The following MCC variants were observed in gnomAD, a reference collection of about 807,000 sequenced individuals.
MCC encodes the protein colorectal mutant cancer protein.
Under a neutral mutation model 116.2 loss-of-function variants are expected in MCC, and 90 were observed. The ratio of observed to expected loss-of-function variants is 0.77; its 90% confidence interval spans 0.65 to 0.92. The LOEUF (loss-of-function observed/expected upper bound fraction) is 0.92. Ranked by LOEUF, MCC falls within the 40% of genes least tolerant of loss-of-function variation. The pLI, the probability that MCC is intolerant of heterozygous loss-of-function variation, is 0.00. For synonymous variants in MCC, 578 were observed against 510.5 expected (o/e 1.13, Z -1.78); for missense variants, 1,516 against 1,312.2 (o/e 1.16, Z -2.40).
At chr5:113,398,428 A>G (rs1367373811) in intron 1 of MCC, among the ~76,000 whole-genome samples, 1 of 152,214 alleles carries the variant, frequency 6.6e-6, no homozygotes, top group South Asian at 2.1e-4. Flanking sequence ...CATGGAATCA[A>G]CCTAGGTACT....
rs371791710 is a variant in MCC, at chr5:113,101,886, C to T, written c.1251G>A (p.Glu417=). ...CCAGCTCCTTCTCCCACCGAGACCT[C>T]TCTTCAGCCAGGTTGGGATACAGGT... is the stretch of plus-strand genomic sequence containing the variant. ...GRDLYPNLAE[E]RSRWEKELAG... The change falls in exon 8 of 19, where the codon GAG becomes GAA. Residue 417 remains glutamate, a synonymous_variant. Coordinates refer to ENST00000408903, the MANE Select transcript of MCC (RefSeq NM_001085377.2). 2 of 1,613,954 alleles carry T rather than the reference C, an allele frequency of 1.2e-6. No homozygotes were observed. The highest frequency in any genetic ancestry group is 1.7e-6 in the Non-Finnish European group (2 of 1,180,054).
At chr5:113,142,815 T>A (rs993534660) in intron 5 of MCC, among the ~76,000 whole-genome samples, 6 of 152,214 alleles carry the variant, frequency 3.9e-5, no homozygotes, top group African/African-American at 1.4e-4. Context: ...ACAGTTTGCA[T>A]ATTTAGTATC....
chr5:113,429,901 C>G (rs147324736), intron 1 of MCC, among the ~76,000 whole-genome samples: 667 of 152,284 alleles, frequency 4.4e-3, no homozygotes, highest in Middle Eastern at 0.024. Context: ...GTGAGATAAT[C>G]CTGTGGGTGG....
At chr5:113,040,182 C>G (rs199639300) in intron 17 of MCC, among the ~76,000 whole-genome samples, 10 of 47,340 alleles carry the variant, frequency 2.1e-4, no homozygotes, top group African/African-American at 5.2e-4. Context: ...ACAGTAAAGG[C>G]GGGGTGGCAT....
chr5:113,264,678 T>TA (rs548747922), intron 3 of MCC, among the ~76,000 whole-genome samples: 190 of 152,198 alleles, frequency 1.2e-3, no homozygotes, highest in Non-Finnish European at 2.3e-3. Context: ...TTTAAATGGT[T>TA]AAAAAAATCA....
At position 113,122,758 on chromosome 5, in the gene MCC, G is replaced by A; in HGVS notation, c.953C>T (p.Ser318Phe). Residue 318 changes from serine (S) to phenylalanine (F), a missense_variant, in exon 6 of 19, where the codon TCT (serine) becomes TTT (phenylalanine). Physicochemically the swap from Ser to Phe is radical, Grantham distance 155. Transcript: ENST00000408903. ...SQSQHEVNEDSRSMDQDQTSV... is the reference protein window; with the variant it reads ...SQSQHEVNEDFRSMDQDQTSV... ...GGTCTGGTCTTGGTCCATGCTTCGA[G>A]AGTCCTCGTTGACCTCGTGTTGGCT... 6.2e-7 allele frequency: 1 copy of A among 1,614,194 alleles called. No individual in the cohort carries two copies. The highest frequency in any genetic ancestry group is 8.5e-7 in the Non-Finnish European group (1 of 1,180,026).
At chr5:113,058,167 T>C (rs1178372443) in intron 14 of MCC, among the ~76,000 whole-genome samples, 1 of 152,214 alleles carries the variant, frequency 6.6e-6, no homozygotes, top group African/African-American at 2.4e-5. Flanking sequence ...TTGGGAAATA[T>C]AAATTTATAC....
chr5:113,119,177 G>C (rs1757583849), intron 6 of MCC, among the ~76,000 whole-genome samples: 1 of 152,196 alleles, frequency 6.6e-6, no homozygotes, highest in Non-Finnish European at 1.5e-5. Context: ...TGGTAAATTA[G>C]GCAGGTGAAG....
At chr5:113,165,767 A>G (rs934237594) in intron 3 of MCC, among the ~76,000 whole-genome samples, 1 of 152,184 alleles carries the variant, frequency 6.6e-6, no homozygotes, top group Non-Finnish European at 1.5e-5. Context: ...CAAAAAATCC[A>G]TATTAGGTTC....
chr5:113,059,437 C>G (rs1753064135), intron 14 of MCC, among the ~76,000 whole-genome samples: 1 of 152,196 alleles, frequency 6.6e-6, no homozygotes, highest in Non-Finnish European at 1.5e-5. Context: ...CTGGCGGTCT[C>G]CCAAGGGCCT....
rs371457930 is a variant in MCC, at chr5:113,373,002, C to A, written c.415+11966G>T. On this transcript the variant is annotated intron_variant, in intron 2 of 18. Transcript: ENST00000408903. The stretch of plus-strand genomic sequence containing the variant: ...GACCATCCTGGCTAACACCATGAAA[C>A]CCCGTCTTTACTAAAAATACAAAAA... Among the ~76,000 whole-genome samples the A allele has an allele frequency of 1.2e-4, 19 of 152,164 alleles. No individual in the cohort carries two copies. The South Asian group carries it at 3.7e-3, about 30-fold the overall frequency.
chr5:113,084,648 T>G (rs1175497714), intron 9 of MCC, among the ~76,000 whole-genome samples: 1 of 152,226 alleles, frequency 6.6e-6, no homozygotes, highest in Non-Finnish European at 1.5e-5. Flanking sequence ...CAGGCATAAT[T>G]TTAATCATCT....
intron 3 of MCC, among the ~76,000 whole-genome samples, chr5:113,263,976 C>T (rs919936716): frequency 3.3e-5 from 5 of 151,698 alleles, no homozygotes; most frequent in Non-Finnish European, 7.4e-5. Context: ...AACCAAACCA[C>T]CTGATTTTGC....
chr5:113,354,272 T>C (rs935958868), intron 2 of MCC, among the ~76,000 whole-genome samples: 1 of 152,146 alleles, frequency 6.6e-6, no homozygotes, highest in African/African-American at 2.4e-5. Flanking sequence ...GATATAGTCA[T>C]ATAGCCCAAC....
At chr5:113,257,582 A>T (rs1411076118) in intron 3 of MCC, among the ~76,000 whole-genome samples, 1 of 152,116 alleles carries the variant, frequency 6.6e-6, no homozygotes, top group African/African-American at 2.4e-5. Flanking sequence ...TTGAGAAGGG[A>T]AAGAAAACTG....
At chr5:113,291,230 T>C (rs947098456) in intron 3 of MCC, among the ~76,000 whole-genome samples, 4 of 152,206 alleles carry the variant, frequency 2.6e-5, no homozygotes, top group African/African-American at 9.6e-5. Context: ...GGTCTCCTAA[T>C]TGTGTATCCC....
intron 3 of MCC, among the ~76,000 whole-genome samples, chr5:113,212,907 T>C (rs1343754989): frequency 6.6e-6 from 1 of 152,234 alleles, no homozygotes; most frequent in East Asian, 1.9e-4. Context: ...TGCCTACTAA[T>C]ACCTTTCATT....
intron 3 of MCC, among the ~76,000 whole-genome samples, chr5:113,322,597 A>G (rs1290722133): frequency 6.6e-6 from 1 of 152,254 alleles, no homozygotes; most frequent in African/African-American, 2.4e-5. Flanking sequence ...GGGTAAAGTC[A>G]ACATCAACCA....
intron 3 of MCC, chr5:113,294,378 G>A (rs778900193): frequency 1.9e-6 from 3 of 1,613,740 alleles, no homozygotes; most frequent in Non-Finnish European, 1.7e-6. Context: ...GGCAACTCCG[G>A]AATTCATGAT....
Sources: allele counts gnomAD v4.1 joint callset (sites outside exome capture counted in the v4.1 genomes callset), GRCh38; gene constraint gnomAD v4.1.1; transcripts MANE v1.5; gene names NCBI Gene and HGNC (gene_info 2026-07-23, HGNC 2026-07-21).